The following RPTOR variants were observed in gnomAD, a reference collection of about 807,000 sequenced individuals.
RPTOR encodes the protein regulatory-associated protein of mTOR.
A neutral mutation model predicts 169.9 loss-of-function variants in RPTOR; 21 were observed. The ratio of observed to expected loss-of-function variants is 0.12; its 90% CI spans 0.09 to 0.18. RPTOR has a LOEUF of 0.18. Ranked by LOEUF, RPTOR falls within the 10% of genes least tolerant of loss-of-function variation. The probability of loss-of-function intolerance (pLI) is 1.00; values close to 1 mark genes in which losing one functional copy is unlikely to be tolerated. For synonymous variants in RPTOR, 732 were observed against 753.2 expected, an observed-to-expected ratio of 0.97 and a Z score of 0.46; for missense variants, 1,133 against 1,855.9, an observed-to-expected ratio of 0.61 and a Z score of 7.16.
chr17:80,677,787 A>ATG (rs56088023), intron 3 of RPTOR, among the ~76,000 whole-genome samples: 102,899 of 151,922 alleles, frequency 0.68, 35,840 homozygotes, highest in African/African-American at 0.84. Flanking sequence ...CCCAAGAAAG[A>ATG]TCTACTCCTT....
intron 1 of RPTOR, among the ~76,000 whole-genome samples, chr17:80,619,390 C>T (rs888297498): frequency 6.6e-6 from 1 of 152,136 alleles, no homozygotes; most frequent in African/African-American, 2.4e-5. Context: ...ACCTGATCAC[C>T]TGTATCTTTT....
intron 21 of RPTOR, chr17:80,909,951 A>G (rs2068592374): frequency 1.3e-5 from 2 of 152,016 alleles, no homozygotes; most frequent in South Asian, 4.2e-4. Flanking sequence ...CTCTTTGGGG[A>G]CTGTAAACTC....
chr17:80,840,667 T>C (rs2067628320), intron 10 of RPTOR, among the ~76,000 whole-genome samples: 1 of 95,312 alleles, frequency 1.0e-5, no homozygotes, highest in African/African-American at 3.5e-5. Flanking sequence ...ACACCACAGC[T>C]CACTCTCACC....
At chr17:80,912,288 G>A (rs1194230839) in intron 21 of RPTOR, among the ~76,000 whole-genome samples, 2 of 152,158 alleles carry the variant, frequency 1.3e-5, no homozygotes, top group African/African-American at 4.8e-5. Flanking sequence ...CTGTGGCCAT[G>A]GACCACCCTT....
Position 80,962,981 on chromosome 17 carries a change from A to G in RPTOR, c.3863A>G (p.Asn1288Ser). 6.2e-7 allele frequency: 1 copy of G among 1,613,522 alleles called. No individual in the cohort carries two copies. Among genetic ancestry groups the G allele is most frequent in the Non-Finnish European group, 8.5e-7 (1 of 1,179,914 alleles). Reference protein sequence around the residue: ...AIYNSSGELINNIKYYDGFMG... With the variant: ...AIYNSSGELISNIKYYDGFMG... ...TACAACAGCAGCGGAGAGCTCATCA[A>G]CAACATCAAGTACTACGACGGCTTC... Residue 1288 changes from asparagine to serine, a missense_variant, in exon 33 of 34, where the codon AAC becomes AGC. By Grantham distance (46) the Asn-to-Ser change is conservative. Coordinates refer to ENST00000306801, the MANE Select transcript of RPTOR (RefSeq NM_020761.3).
intron 3 of RPTOR, among the ~76,000 whole-genome samples, chr17:80,668,189 A>G (rs74000893): frequency 0.018 from 2,680 of 152,190 alleles, 90 homozygotes; most frequent in African/African-American, 0.061. Flanking sequence ...TCCACTAGAC[A>G]AAGTTTATCC....
intron 6 of RPTOR, among the ~76,000 whole-genome samples, chr17:80,759,489 A>G (rs553188880): frequency 2.2e-4 from 34 of 152,332 alleles, no homozygotes; most frequent in African/African-American, 8.2e-4. Context: ...GCCTGGAACA[A>G]TTGAGCGGTG....
intron 11 of RPTOR, among the ~76,000 whole-genome samples, chr17:80,852,461 C>T (rs906555030): frequency 1.3e-5 from 2 of 152,112 alleles, no homozygotes; most frequent in Non-Finnish European, 2.9e-5. Flanking sequence ...ATCCTGCGAG[C>T]AGTCCCACGT....
Position 80,689,243 on chromosome 17 carries a change from C to T in RPTOR, c.349-18598C>T, listed in dbSNP as rs144812276. Among the ~76,000 whole-genome samples, 400 of 152,336 alleles carry T rather than the reference C, an allele frequency of 2.6e-3. 6 individuals are homozygous for T. Among genetic ancestry groups the T allele is most frequent in the African/African-American group, 8.9e-3 (369 of 41,576 alleles). On this transcript the variant is annotated intron_variant, in intron 3 of 33. Transcript: ENST00000306801. ...AGATGAACACATTCACTTGTATGTTCCCCTTGGCAACATTATTCCTAGAGA... is the reference window on the plus strand; with the variant it reads ...AGATGAACACATTCACTTGTATGTTTCCCTTGGCAACATTATTCCTAGAGA...
At chr17:80,699,015 A>G (rs1290641561) in intron 3 of RPTOR, among the ~76,000 whole-genome samples, 1 of 152,186 alleles carries the variant, frequency 6.6e-6, no homozygotes, top group Non-Finnish European at 1.5e-5. Flanking sequence ...GGAGCAGCAG[A>G]TCCCTTTGTC....
At position 80,767,328 on chromosome 17, in the gene RPTOR, G is replaced by A. The variant is rs563987585; in HGVS notation, c.830+13143G>A. Among the ~76,000 whole-genome samples the A allele has an allele frequency of 2.6e-5, 4 of 152,272 alleles. No individual in the cohort carries two copies. The East Asian group carries it at 5.8e-4, about 22-fold the overall frequency. ...CTGTAGTGAGCAGTGCAGTGATCACGTCACTGTGGTCCAGCATAGACCACA... is the reference window on the plus strand; with the variant it reads ...CTGTAGTGAGCAGTGCAGTGATCACATCACTGTGGTCCAGCATAGACCACA... On this transcript the variant is annotated intron_variant, in intron 6 of 33. Coordinates refer to ENST00000306801, the MANE Select transcript of RPTOR (RefSeq NM_020761.3).
intron 3 of RPTOR, among the ~76,000 whole-genome samples, chr17:80,698,158 G>A (rs2066052922): frequency 6.6e-6 from 1 of 152,156 alleles, no homozygotes; most frequent in South Asian, 2.1e-4. Context: ...AGGAGGGTGA[G>A]GAACGGAGGC....
intron 1 of RPTOR, among the ~76,000 whole-genome samples, chr17:80,546,452 G>A (rs1599536809): frequency 6.6e-6 from 1 of 152,158 alleles, no homozygotes; most frequent in Non-Finnish European, 1.5e-5. Context: ...ATGGTGTTTG[G>A]AGTGTGGAGA....
At chr17:80,743,773 T>C (rs1470035281) in intron 5 of RPTOR, among the ~76,000 whole-genome samples, 7,039 of 100,512 alleles carry the variant, frequency 0.07, 890 homozygotes, top group Non-Finnish European at 0.098. Flanking sequence ...ACTCTCCTGG[T>C]TACTAGCAGA....
In RPTOR at chr17:80,947,172, C is replaced by A; in HGVS notation, c.3141-55C>A. The A allele has an allele frequency of 6.7e-7, 1 of 1,492,172 alleles. No homozygotes were observed. The highest frequency in any genetic ancestry group is 8.9e-7 in the Non-Finnish European group (1 of 1,120,066). The allele number at this position is 1,492,172 out of a possible 1,614,324, so 92.4% of individuals were successfully genotyped here. ...TGGGTTTCAGGAGGTATCTCACTGT[C>A]ATTTGGGTTTGCAGTTTCCTAATGA... On this transcript the variant is annotated intron_variant, in intron 26 of 33. Transcript: ENST00000306801. The surrounding 1 kb of genome is among the most constrained non-coding windows in gnomAD (Gnocchi z 4.4).
At chr17:80,743,992 T>C (rs144364221) in intron 5 of RPTOR, among the ~76,000 whole-genome samples, 273 of 542 alleles carry the variant, frequency 0.5, 95 homozygotes, top group East Asian at 0.67. Context: ...GTCCTGGTTA[T>C]GAGCACAGCC....
chr17:80,946,539 C>T lies in RPTOR; in HGVS notation c.3141-688C>T, dbSNP rs1049123388. The stretch of plus-strand genomic sequence containing the variant: ...TTCACTTTCTGTCTCTCTGAAGTGG[C>T]GCACGCTAGGAGCCTCATACCAGTG... On this transcript the variant is annotated intron_variant, in intron 26 of 33. Coordinates refer to ENST00000306801, the MANE Select transcript of RPTOR (RefSeq NM_020761.3). Among the ~76,000 whole-genome samples, 5 of 152,346 alleles carry T rather than the reference C, an allele frequency of 3.3e-5. No individual in the cohort carries two copies. The East Asian group carries it at 7.7e-4, about 24-fold the overall frequency.
intron 28 of RPTOR, among the ~76,000 whole-genome samples, chr17:80,952,855 C>CTTTTTT (rs139746545): frequency 1.0e-5 from 1 of 98,082 alleles, no homozygotes; most frequent in African/African-American, 5.0e-5. Context: ...TTCTTTTCTT[C>CTTTTTT]TTTTTTTTTT....
chr17:80,706,661 G>A (rs1444473041), intron 3 of RPTOR, among the ~76,000 whole-genome samples: 2 of 152,224 alleles, frequency 1.3e-5, no homozygotes, highest in Non-Finnish European at 2.9e-5. Context: ...AGCCTGCAGT[G>A]TCTGGCAAGG....
Sources: allele counts gnomAD v4.1 joint callset (sites outside exome capture counted in the v4.1 genomes callset), GRCh38; gene constraint gnomAD v4.1.1; non-coding constraint Gnocchi (gnomAD v3.1); transcripts MANE v1.5; gene names NCBI Gene and HGNC (gene_info 2026-07-23, HGNC 2026-07-21).